Variants in CEP152 observed in about 807,000 individuals in gnomAD.
CEP152 encodes the protein centrosomal protein of 152 kDa.
In CEP152, 132 loss-of-function variants were observed where a neutral mutation model predicts 188.9. That is an observed-to-expected ratio of 0.70 (90% CI 0.61 to 0.81). CEP152 has a LOEUF of 0.81. Ranked by LOEUF, CEP152 falls within the 30% of genes least tolerant of loss-of-function variation. The pLI, the probability that CEP152 is intolerant of heterozygous loss-of-function variation, is 0.00. For synonymous variants in CEP152, 649 were observed against 666.6 expected (o/e 0.97, Z 0.41); for missense variants, 1,914 against 1,969.8 (o/e 0.97, Z 0.54).
intron 12 of CEP152, among the ~76,000 whole-genome samples, chr15:48,780,287 T>C (rs989815815): frequency 6.6e-6 from 1 of 152,226 alleles, no homozygotes; most frequent in Non-Finnish European, 1.5e-5. Flanking sequence ...GGAGCCTTAC[T>C]AAACTAGAAT....
At chr15:48,792,845 C>T (rs1170156590) in intron 7 of CEP152, among the ~76,000 whole-genome samples, 6 of 149,910 alleles carry the variant, frequency 4.0e-5, no homozygotes, top group African/African-American at 1.5e-4. Flanking sequence ...GAGACAGAGT[C>T]TCACTCTGTC....
intron 26 of CEP152, chr15:48,741,268 T>G (rs1313108476): frequency 2.6e-6 from 3 of 1,168,620 alleles, no homozygotes; most frequent in Non-Finnish European, 3.2e-6. Context: ...GTGCTGGGAT[T>G]ACAGGTGTGA....
At chr15:48,769,654 A>G (rs1307657534) in intron 13 of CEP152, among the ~76,000 whole-genome samples, 1 of 152,238 alleles carries the variant, frequency 6.6e-6, no homozygotes, top group Non-Finnish European at 1.5e-5. Flanking sequence ...ATAATAAATG[A>G]TAAGTATCTT....
intron 19 of CEP152, among the ~76,000 whole-genome samples, chr15:48,759,884 A>G (rs1266363684): frequency 6.6e-6 from 1 of 152,228 alleles, no homozygotes; most frequent in Non-Finnish European, 1.5e-5. Flanking sequence ...AATTTCATCT[A>G]AAGATAGGGC....
At chr15:48,791,174 A>G (rs1288414207) in intron 8 of CEP152, 63 bp downstream of exon 8, 2 of 1,472,132 alleles carry the variant, frequency 1.4e-6, no homozygotes, top group Non-Finnish European at 1.9e-6. Context: ...CCTACCCTAC[A>G]AAAAGTTTTG....
intron 12 of CEP152, among the ~76,000 whole-genome samples, chr15:48,779,745 T>C (rs1467257160): frequency 1.3e-5 from 2 of 152,226 alleles, no homozygotes; most frequent in Non-Finnish European, 2.9e-5. Context: ...CCCCTTAGAA[T>C]TAATCTGGCA....
chr15:48,761,339 A>G (rs1894670387), intron 18 of CEP152, among the ~76,000 whole-genome samples: 1 of 152,216 alleles, frequency 6.6e-6, no homozygotes, highest in African/African-American at 2.4e-5. Context: ...GTATTTATCA[A>G]AAGTAGAGTG....
At chr15:48,760,599 CT>C (rs1894608756) in intron 18 of CEP152, among the ~76,000 whole-genome samples, 1 of 152,196 alleles carries the variant, frequency 6.6e-6, no homozygotes, top group African/African-American at 2.4e-5. Context: ...TCCTGGAGGA[CT>C]GCTTGGTGCC....
chr15:48,806,618 AT>A (rs1342602709), intron 1 of CEP152, among the ~76,000 whole-genome samples: 1 of 152,240 alleles, frequency 6.6e-6, no homozygotes, highest in Non-Finnish European at 1.5e-5. Flanking sequence ...ATGTCATTAA[AT>A]TGGAAGTAAA....
intron 12 of CEP152, among the ~76,000 whole-genome samples, chr15:48,779,339 G>A (rs1896108398): frequency 1.3e-5 from 2 of 152,206 alleles, no homozygotes; most frequent in South Asian, 4.1e-4. Flanking sequence ...GTTCACTCTG[G>A]TTTTTCCAAC....
intron 6 of CEP152, among the ~76,000 whole-genome samples, chr15:48,794,640 CAG>C (rs1049460183): frequency 4.6e-5 from 7 of 152,096 alleles, no homozygotes; most frequent in African/African-American, 1.7e-4. Context: ...TGAAGAAGTG[CAG>C]AGTGTTAAGA....
intron 12 of CEP152, among the ~76,000 whole-genome samples, chr15:48,774,296 CAT>C (rs1895744405): frequency 6.6e-6 from 1 of 151,960 alleles, no homozygotes; most frequent in South Asian, 2.1e-4. Context: ...GGATGGAAAA[CAT>C]ATTTGAAAAA....
intron 26 of CEP152, chr15:48,741,054 A>C: frequency 1.0e-6 from 1 of 988,724 alleles, no homozygotes; most frequent in Non-Finnish European, 1.2e-6. Context: ...TTTTGAACTG[A>C]GGTTTCCATC....
intron 26 of CEP152, chr15:48,741,104 G>A (rs1302083301): frequency 1.0e-6 from 1 of 987,418 alleles, no homozygotes; most frequent in Non-Finnish European, 1.2e-6. Flanking sequence ...GGGATTTCTT[G>A]TAGCTTCTGG....
intron 12 of CEP152, among the ~76,000 whole-genome samples, chr15:48,774,322 T>G (rs1467827488): frequency 6.6e-6 from 1 of 152,074 alleles, no homozygotes; most frequent in Non-Finnish European, 1.5e-5. Flanking sequence ...ATGGCCAAAT[T>G]TTTCCTAATT....
rs1892775545 is a variant in CEP152, at chr15:48,739,084, T to C, written c.4298A>G (p.His1433Arg). 6.2e-7 allele frequency: 1 copy of C among 1,614,218 alleles called. No individual in the cohort carries two copies. Among genetic ancestry groups the C allele is most frequent in the Non-Finnish European group, 8.5e-7 (1 of 1,180,014 alleles). ...CAAATGTGTCTCTTTGGATCCCACA[T>C]GCTTTATGCTCTGATGCTCTGAGTT... ...LENSEHQSIK[H>R]VGSKETHLEF... is the part of the protein sequence containing the mutation. The change falls in exon 27 of 27, where the codon CAT becomes CGT. Residue 1433 changes from histidine to arginine, a missense_variant. Transcript: ENST00000380950.
At position 48,811,050 on chromosome 15, in the gene CEP152, A is replaced by G. The variant is rs1411821897; in HGVS notation, c.-97T>C. 1 of 152,316 alleles carries G rather than the reference A, an allele frequency of 6.6e-6. No individual in the cohort carries two copies. The highest frequency in any genetic ancestry group is 1.5e-5 in the Non-Finnish European group (1 of 68,104). 9.4% of individuals were successfully genotyped at this position (152,316 alleles called of 1,614,324 possible). A position where few individuals can be genotyped will look rare whatever the true frequency, so the allele number is the denominator to read the frequency against. On this transcript the variant is annotated 5_prime_UTR_variant, in exon 1 of 27. Transcript: ENST00000380950. ...GATCCCCTTACCCTGGCTCTAGTCC[A>G]CTAGCTCCTTCCTAGTCACAACCGA...
Position 48,756,893 on chromosome 15 carries a change from A to T in CEP152, c.2695-340T>A, listed in dbSNP as rs1386270193. ...TATCTGTGCCCCCAACAAATTAAGT[A>T]TCTTTTACCTAAAGCAAAAGCGGAC... On this transcript the variant is annotated intron_variant, in intron 19 of 26. Coordinates refer to ENST00000380950, the MANE Select transcript of CEP152 (RefSeq NM_001194998.2). Among the ~76,000 whole-genome samples, 4 of 152,208 alleles carry T rather than the reference A, an allele frequency of 2.6e-5. 1 individual carries two copies. The highest frequency in any genetic ancestry group is 7.2e-5 in the African/African-American group (3 of 41,468).
chr15:48,735,241 A>G (rs2099393489), downstream of CEP152, among the ~76,000 whole-genome samples: 1 of 152,238 alleles, frequency 6.6e-6, no homozygotes, highest in Non-Finnish European at 1.5e-5. Context: ...ATGAAGTAAC[A>G]TACTTCTAAA....
Sources: allele counts gnomAD v4.1 joint callset (sites outside exome capture counted in the v4.1 genomes callset), GRCh38; gene constraint gnomAD v4.1.1; transcripts MANE v1.5; gene names NCBI Gene and HGNC (gene_info 2026-07-23, HGNC 2026-07-21).